DOCK1: variants seen among roughly 807,000 people sequenced by gnomAD.
DOCK1 encodes the protein dedicator of cytokinesis 1.
DOCK1 carries 138 observed loss-of-function variants against 262.7 expected under a neutral mutation model. That is an observed-to-expected ratio of 0.53 (90% CI 0.46 to 0.61). The LOEUF is 0.61. Among genes scored for constraint, DOCK1 ranks in the 20% least tolerant of loss-of-function variants. The pLI, the probability that DOCK1 is intolerant of heterozygous loss-of-function variation, is 0.00. For synonymous variants in DOCK1, 866 were observed against 867.4 expected, an observed-to-expected ratio of 1.00 and a Z score of 0.03; for missense variants, 1,908 against 2,370.7, an observed-to-expected ratio of 0.80 and a Z score of 4.05.
rs560535645 is a variant in DOCK1, at chr10:127,077,005, A to G, written c.2445+15229A>G. Among the ~76,000 whole-genome samples the G allele has an allele frequency of 1.3e-3, 199 of 152,280 alleles. 1 individual carries two copies. The highest frequency in any genetic ancestry group is 4.6e-3 in the African/African-American group (193 of 41,546). Reference sequence around the variant, plus strand: ...TGAGAGTGTGGTGATTAGGGGTTGGATGCCCTGTGCGAATGGCAAGGAGGA... The same window carrying G: ...TGAGAGTGTGGTGATTAGGGGTTGGGTGCCCTGTGCGAATGGCAAGGAGGA... On this transcript the variant is annotated intron_variant, in intron 23 of 51. Transcript: ENST00000623213.
At chr10:127,149,359 T>G (rs915222027) in intron 27 of DOCK1, among the ~76,000 whole-genome samples, 2 of 152,128 alleles carry the variant, frequency 1.3e-5, no homozygotes, top group African/African-American at 4.8e-5. Flanking sequence ...CTGGTGGTTT[T>G]CCCCCCGCCT....
intron 27 of DOCK1, among the ~76,000 whole-genome samples, chr10:127,193,840 C>T (rs943999192): frequency 3.9e-5 from 6 of 152,172 alleles, no homozygotes; most frequent in African/African-American, 1.2e-4. Flanking sequence ...GAGAAGCCCC[C>T]GAAGTAAACA....
rs375373418 is a variant in DOCK1, at chr10:127,444,233, C to T, written c.5367C>T (p.Pro1789=). 7 of 1,612,174 alleles carry T rather than the reference C, an allele frequency of 4.3e-6. 1 individual carries two copies. The South Asian group carries it at 6.6e-5, about 15-fold the overall frequency. ...CGTCACCGTCCTCCCAGCAAACACC[C>T]CCTCCAGTTACACCAAGGGCCAAGC... ...SPSSPSSQQT[P]PPVTPRAKLS... The change falls in exon 50 of 52, where the codon CCC becomes CCT. Residue 1789 remains proline (P), a synonymous_variant. Transcript: ENST00000623213.
intron 29 of DOCK1, among the ~76,000 whole-genome samples, chr10:127,295,537 A>G (rs1185112870): frequency 6.6e-6 from 1 of 152,104 alleles, no homozygotes; most frequent in East Asian, 1.9e-4. Flanking sequence ...AAATTTAGAA[A>G]TACCTAGGTG....
Position 126,995,156 on chromosome 10 carries a change from CG to C in DOCK1, c.474-1589del, listed in dbSNP as rs1410388011. On this transcript the variant is annotated intron_variant, in intron 6 of 51. Transcript: ENST00000623213. This position sits in a 1 kb window ranked among gnomAD's most constrained non-coding sequence, Gnocchi z 5.8. ...GGCAGAGACGCTCCTCACTTCTAGA[CG>C]GGATGACGGCCGGGAAGAGGCGCTC... Among the ~76,000 whole-genome samples the C allele has an allele frequency of 2.0e-5, 3 of 151,120 alleles. No homozygotes were observed. The highest frequency in any genetic ancestry group is 7.3e-5 in the African/African-American group (3 of 41,036).
intron 29 of DOCK1, chr10:127,257,728 T>C (rs1590154098): frequency 8.0e-6 from 2 of 248,948 alleles, no homozygotes; most frequent in Non-Finnish European, 1.6e-5. Flanking sequence ...TCGACGTCGC[T>C]CTGCGCTCTC....
At chr10:127,180,098 A>G (rs1392093072) in intron 27 of DOCK1, among the ~76,000 whole-genome samples, 1 of 152,178 alleles carries the variant, frequency 6.6e-6, no homozygotes, top group Non-Finnish European at 1.5e-5. Flanking sequence ...TGCTCAAGGA[A>G]CTCTGTAACT....
chr10:127,230,121 C>G (rs1009216846), intron 27 of DOCK1, among the ~76,000 whole-genome samples: 4 of 152,166 alleles, frequency 2.6e-5, no homozygotes, highest in Middle Eastern at 3.4e-3. Flanking sequence ...CATTTATTTT[C>G]TTGCTATTAA....
chr10:127,351,793 G>C (rs2063892807), intron 31 of DOCK1, among the ~76,000 whole-genome samples: 2 of 151,916 alleles, frequency 1.3e-5, no homozygotes, highest in Admixed American at 6.6e-5. Flanking sequence ...CTTTATTTGG[G>C]GATTACTCTG....
At chr10:127,130,735 T>C (rs1249498610) in intron 27 of DOCK1, among the ~76,000 whole-genome samples, 1 of 152,200 alleles carries the variant, frequency 6.6e-6, no homozygotes, top group East Asian at 1.9e-4. Context: ...ATTCTCACAG[T>C]GCCCTGCAGA....
chr10:127,247,847 G>A (rs1159445349), intron 27 of DOCK1, among the ~76,000 whole-genome samples, 161 bp from the exon 28 acceptor site: 1 of 152,172 alleles, frequency 6.6e-6, no homozygotes, highest in Non-Finnish European at 1.5e-5. Flanking sequence ...CATGCCTTAT[G>A]CTGATCTTCC....
At chr10:127,253,155 C>T (rs895166358) in intron 28 of DOCK1, among the ~76,000 whole-genome samples, 9 of 152,186 alleles carry the variant, frequency 5.9e-5, no homozygotes, top group Non-Finnish European at 1.2e-4. Flanking sequence ...AGATGCTGAC[C>T]TGCCCAAGGG....
At chr10:127,082,899 C>T (rs2136026866) in intron 23 of DOCK1, among the ~76,000 whole-genome samples, 1 of 152,334 alleles carries the variant, frequency 6.6e-6, no homozygotes, top group South Asian at 2.1e-4. Flanking sequence ...CCATGCTGTG[C>T]TTTGCTGTCT....
intron 1 of DOCK1, among the ~76,000 whole-genome samples, chr10:126,942,185 G>A (rs1305060207): frequency 1.3e-5 from 2 of 152,076 alleles, no homozygotes; most frequent in Non-Finnish European, 2.9e-5. Context: ...CACCACGCCC[G>A]GCTAATTTTT....
At chr10:126,952,161 A>T (rs1483147946) in intron 1 of DOCK1, among the ~76,000 whole-genome samples, 2 of 151,924 alleles carry the variant, frequency 1.3e-5, no homozygotes, top group Non-Finnish European at 2.9e-5. Flanking sequence ...CTCTTCGTTT[A>T]TATAGGGTGT....
intron 27 of DOCK1, among the ~76,000 whole-genome samples, chr10:127,170,626 G>A (rs1345531428): frequency 8.1e-6 from 1 of 123,992 alleles, no homozygotes; most frequent in African/African-American, 3.0e-5. Context: ...TACCCAATGA[G>A]CCACCAAGAC....
intron 27 of DOCK1, among the ~76,000 whole-genome samples, chr10:127,150,364 C>A (rs1270344465): frequency 1.3e-5 from 1 of 75,578 alleles, no homozygotes; most frequent in East Asian, 4.3e-4. Context: ...CTCAGTGGGA[C>A]CCTGAGGGAA....
intron 27 of DOCK1, among the ~76,000 whole-genome samples, chr10:127,179,111 C>G (rs1322479422): frequency 6.6e-6 from 1 of 152,222 alleles, no homozygotes; most frequent in Non-Finnish European, 1.5e-5. Context: ...CTTTTCCCTG[C>G]TACTTCTGAA....
chr10:127,027,261 G>C (rs1175819259), intron 16 of DOCK1, among the ~76,000 whole-genome samples: 2 of 152,232 alleles, frequency 1.3e-5, no homozygotes, highest in Non-Finnish European at 1.5e-5. Flanking sequence ...TCTGGATGGA[G>C]CTTAAGCATG....
Sources: gnomAD v4.1 joint callset for allele counts (sites outside exome capture counted in the v4.1 genomes callset) on GRCh38, gnomAD v4.1.1 for gene constraint, Gnocchi (gnomAD v3.1) non-coding constraint, MANE v1.5 for transcripts, NCBI Gene and HGNC (gene_info 2026-07-23, HGNC 2026-07-21) for gene names.